Variants in MMP24 observed in about 807,000 individuals in gnomAD.
MMP24 encodes matrix metallopeptidase 24, also known as matrix metalloproteinase-24.
In MMP24, 25 loss-of-function variants were observed where a neutral mutation model predicts 62.8. The observed-to-expected ratio is 0.40, with a 90% CI of 0.29 to 0.56. The LOEUF (loss-of-function observed/expected upper bound fraction) is 0.56, where lower values mean the gene tolerates loss of function less well. MMP24 is among the 20% of genes least tolerant of loss of function. MMP24 has a pLI of 0.50. For missense variants in MMP24, 634 were observed against 853.6 expected, an observed-to-expected ratio of 0.74 and a Z score of 3.21; for synonymous variants, 319 against 350.5, an observed-to-expected ratio of 0.91 and a Z score of 1.00.
At chr20:35,250,538 G>A (rs916027012) in intron 2 of MMP24, among the ~76,000 whole-genome samples, 5 of 151,612 alleles carry the variant, frequency 3.3e-5, no homozygotes, top group African/African-American at 1.2e-4. Flanking sequence ...ACTCCAGCCT[G>A]GGCAACAGAG....
Position 35,274,585 on chromosome 20 carries a change from G to A in MMP24, c.1914G>A (p.Lys638=), listed in dbSNP as rs770350473. ...KTGPQPVTYY[K]RPVQEWV Reference sequence around the variant, plus strand: ...GCCCTCAGCCTGTCACCTACTATAAGCGGCCAGTCCAGGAATGGGTGTGAG... The same window carrying A: ...GCCCTCAGCCTGTCACCTACTATAAACGGCCAGTCCAGGAATGGGTGTGAG... The change falls in exon 9 of 9, where the codon AAG becomes AAA. Residue 638 remains lysine, a synonymous_variant. Transcript: ENST00000246186. The surrounding 1 kb of genome is among the most constrained non-coding windows in gnomAD (Gnocchi z 5.1). The A allele has an allele frequency of 1.9e-6, 3 of 1,613,236 alleles. No individual in the cohort carries two copies. Among genetic ancestry groups the A allele is most frequent in the Non-Finnish European group, 2.5e-6 (3 of 1,179,530 alleles).
At chr20:35,268,640 A>G (rs1441738819) in intron 6 of MMP24, among the ~76,000 whole-genome samples, 3 of 152,216 alleles carry the variant, frequency 2.0e-5, no homozygotes, top group Non-Finnish European at 4.4e-5. Context: ...TTTACAAATC[A>G]TGCTTCTTCT....
In MMP24 at chr20:35,275,705, CACTACTCTGAGGCCGACTCCA is replaced by C. The variant is rs1227820240; in HGVS notation, c.*1097_*1117del. The C allele has an allele frequency of 1.2e-5, 3 of 254,504 alleles. No individual in the cohort carries two copies. Among genetic ancestry groups the C allele is most frequent in the Non-Finnish European group, 2.2e-5 (3 of 135,156 alleles). 15.8% of individuals were successfully genotyped at this position (254,504 alleles called of 1,614,324 possible). A position where few individuals can be genotyped will look rare whatever the true frequency, so the allele number is the denominator to read the frequency against. On this transcript the variant is annotated 3_prime_UTR_variant, in exon 9 of 9. Coordinates refer to ENST00000246186, the MANE Select transcript of MMP24 (RefSeq NM_006690.4). ...GGGCGTCTGAAGTGCTCAGTGCCCCCACTACTCTGAGGCCGACTCCAGCTACTCTGAGGCCGACTCAATCTC... is the reference window on the plus strand; with the variant it reads ...GGGCGTCTGAAGTGCTCAGTGCCCCCGCTACTCTGAGGCCGACTCAATCTC...
chr20:35,261,372 T>G (rs981027601), intron 4 of MMP24, among the ~76,000 whole-genome samples: 7 of 152,176 alleles, frequency 4.6e-5, no homozygotes, highest in Non-Finnish European at 7.3e-5. Flanking sequence ...ACCACGCACT[T>G]CACGTGTATC....
chr20:35,231,469 A>G (rs1431067582), intron 1 of MMP24, among the ~76,000 whole-genome samples: 1 of 152,040 alleles, frequency 6.6e-6, no homozygotes, highest in Non-Finnish European at 1.5e-5. Context: ...AAAAAAACTC[A>G]CTATTAGGAA....
chr20:35,273,386 A>C (rs1040727149), intron 8 of MMP24, among the ~76,000 whole-genome samples: 2 of 150,118 alleles, frequency 1.3e-5, no homozygotes, highest in African/African-American at 5.0e-5. Context: ...ATGGAGTGAG[A>C]CCTTGTCTTA....
At chr20:35,231,818 G>A (rs536553563) in intron 1 of MMP24, among the ~76,000 whole-genome samples, 5 of 152,266 alleles carry the variant, frequency 3.3e-5, no homozygotes, top group South Asian at 2.1e-4. Flanking sequence ...TTGGGAGGCC[G>A]AGGCAGGTGG....
chr20:35,274,508 C>T lies in MMP24; in HGVS notation c.1837C>T (p.Leu613Phe). 1 of 1,614,008 alleles carries T rather than the reference C, an allele frequency of 6.2e-7. No homozygotes were observed. Among genetic ancestry groups the T allele is most frequent in the Non-Finnish European group, 8.5e-7 (1 of 1,179,890 alleles). The change falls in exon 9 of 9, where the codon CTC becomes TTC. Residue 613 changes from leucine (L) to phenylalanine (F), a missense_variant. Coordinates refer to ENST00000246186, the MANE Select transcript of MMP24 (RefSeq NM_006690.4). This position sits in a 1 kb window ranked among gnomAD's most constrained non-coding sequence, Gnocchi z 5.1. ...VAVVIPCILS[L>F]CILVLVYTIF... ...CGTGGTCATCCCCTGCATCCTGTCCCTCTGCATCCTGGTGCTGGTCTACAC... is the reference window on the plus strand; with the variant it reads ...CGTGGTCATCCCCTGCATCCTGTCCTTCTGCATCCTGGTGCTGGTCTACAC...
At chr20:35,270,020 C>T (rs1371702416) in intron 7 of MMP24, 122 bp downstream of exon 7, 34 of 1,232,840 alleles carry the variant, frequency 2.8e-5, no homozygotes, top group Non-Finnish European at 3.7e-5. Flanking sequence ...TCTAGTCTAA[C>T]GGAGACACTG....
intron 2 of MMP24, among the ~76,000 whole-genome samples, chr20:35,251,316 G>T (rs1292307210): frequency 1.3e-5 from 2 of 151,882 alleles, no homozygotes; most frequent in Non-Finnish European, 2.9e-5. Context: ...GTACAGATGG[G>T]GTTTCACCGT....
rs1568622540 is a variant in MMP24 at position 35,271,489 on chromosome 20, G to A, written c.1334-80G>A. 2 of 1,525,120 alleles carry A rather than the reference G, an allele frequency of 1.3e-6. No individual in the cohort carries two copies. Among genetic ancestry groups the A allele is most frequent in the African/African-American group, 1.4e-5 (1 of 72,998 alleles). The allele number at this position is 1,525,120 out of a possible 1,614,324, so 94.5% of individuals were successfully genotyped here. A position where few individuals can be genotyped will look rare whatever the true frequency, so the allele number is the denominator to read the frequency against. ...GCCAAGGGGCTGAGGGCATCAGACT[G>A]TTTTCACCTGACACCCTGAAGATGG... On this transcript the variant is annotated intron_variant, in intron 7 of 8. Transcript: ENST00000246186. The surrounding 1 kb of genome is among the most constrained non-coding windows in gnomAD (Gnocchi z 4.0).
chr20:35,252,831 C>T (rs2060554359), intron 3 of MMP24, among the ~76,000 whole-genome samples: 1 of 103,360 alleles, frequency 9.7e-6, no homozygotes, highest in East Asian at 2.9e-4. Context: ...TCAGGTGGGG[C>T]TGGGGCAAGG....
At chr20:35,245,402 C>T (rs2060509145) in intron 1 of MMP24, among the ~76,000 whole-genome samples, 1 of 151,702 alleles carries the variant, frequency 6.6e-6, no homozygotes, top group African/African-American at 2.4e-5. Context: ...TCTCTCTTCT[C>T]TCTGTCTCTG....
intron 1 of MMP24, among the ~76,000 whole-genome samples, chr20:35,231,723 T>C (rs1218363087): frequency 6.6e-6 from 1 of 152,170 alleles, no homozygotes; most frequent in Non-Finnish European, 1.5e-5. Flanking sequence ...GTGAATTGCC[T>C]ATCATCTTGT....
chr20:35,250,855 C>T (rs904391335), intron 2 of MMP24, among the ~76,000 whole-genome samples: 1 of 152,120 alleles, frequency 6.6e-6, no homozygotes, highest in African/African-American at 2.4e-5. Flanking sequence ...CCTGCATGGC[C>T]CAATCACCTC....
chr20:35,250,678 G>C (rs1398927664), intron 2 of MMP24, among the ~76,000 whole-genome samples: 6 of 152,084 alleles, frequency 3.9e-5, no homozygotes, highest in Admixed American at 6.5e-5. Context: ...GGCTGGGGAC[G>C]CCTCAGGAAA....
rs1164227497 is a variant in MMP24, at chr20:35,271,775, A to G, written c.1540A>G (p.Ile514Val). The part of the protein sequence containing the change: ...RATDPGYPKP[I>V]TVWKGIPQAP... ...CACGGACCCTGGCTACCCTAAGCCC[A>G]TCACCGTGTGGAAGGGCATCCCACA... The change falls in exon 8 of 9, where the codon ATC (isoleucine) becomes GTC (valine). Residue 514 changes from isoleucine (I) to valine (V), a missense_variant. By Grantham distance (29) the Ile-to-Val change is conservative. This residue lies in a region of MMP24 where 399 missense variants were observed against 530.8 expected (regional missense o/e 0.75). Coordinates refer to ENST00000246186, the MANE Select transcript of MMP24 (RefSeq NM_006690.4). The surrounding 1 kb of genome is among the most constrained non-coding windows in gnomAD (Gnocchi z 4.0). 3.7e-6 allele frequency: 6 copies of G among 1,605,110 alleles called. No homozygotes were observed. The South Asian group carries it at 6.7e-5, about 18-fold the overall frequency.
rs764172356 is a variant in MMP24, at chr20:35,276,072, G to T, written c.*1463G>T. 5.5e-5 allele frequency: 22 copies of T among 398,636 alleles called. No individual in the cohort carries two copies. Among genetic ancestry groups the T allele is most frequent in the Admixed American group, 8.8e-5 (2 of 22,720 alleles). The allele number at this position is 398,636 out of a possible 1,614,324, so 24.7% of individuals were successfully genotyped here. ...TCAGGCAGTCTCCAGCGTGCTGGCC[G>T]GGTCTCGGATGCCACCCCTGCTCAC... On this transcript the variant is annotated 3_prime_UTR_variant, in exon 9 of 9. Coordinates refer to ENST00000246186, the MANE Select transcript of MMP24 (RefSeq NM_006690.4).
At chr20:35,267,999 G>A (rs2060645102) in intron 6 of MMP24, 1 of 153,058 alleles carries the variant, frequency 6.5e-6, no homozygotes, top group Non-Finnish European at 1.5e-5. Flanking sequence ...CTGGAATGCA[G>A]GATTTCGATT....
Sources: allele counts gnomAD v4.1 joint callset (sites outside exome capture counted in the v4.1 genomes callset), GRCh38; gene constraint gnomAD v4.1.1; regional missense constraint gnomAD v4.1.1; non-coding constraint Gnocchi (gnomAD v3.1); transcripts MANE v1.5; gene names NCBI Gene and HGNC (gene_info 2026-07-23, HGNC 2026-07-21).